Variants in MOCS2 observed in about 807,000 individuals in gnomAD.
MOCS2 encodes molybdopterin synthase catalytic subunit.
A neutral mutation model predicts 21.9 loss-of-function variants in MOCS2; 13 were observed. The observed-to-expected ratio is 0.59, with a 90% CI of 0.39 to 0.94. The LOEUF (loss-of-function observed/expected upper bound fraction) is 0.94. MOCS2 is among the 40% of genes least tolerant of loss of function. MOCS2 has a pLI of 0.00. For missense variants in MOCS2, 227 were observed against 218.3 expected (o/e 1.04, Z -0.25); for synonymous variants, 92 against 80.8 (o/e 1.14, Z -0.74).
chr5:53,103,974 G>C (rs1040693118), intron 3 of MOCS2, among the ~76,000 whole-genome samples: 2 of 152,196 alleles, frequency 1.3e-5, no homozygotes, highest in Admixed American at 1.3e-4. Flanking sequence ...GCTGAGGCTG[G>C]ACAGGTAGGT....
At chr5:53,100,699 G>T in intron 5 of MOCS2, 165 bp from the exon 6 acceptor site, 1 of 696,174 alleles carries the variant, frequency 1.4e-6, no homozygotes. Context: ...AATTGCAGTA[G>T]CATTCAGCAG....
In MOCS2 at chr5:53,103,216, T is replaced by C. The variant is rs953683475; in HGVS notation, c.99-992A>G. Reference sequence around the variant, plus strand: ...TATTCATAATGAATCAGGCATGACATAAAAAGTAATCCATTATTAACATGA... The same window carrying C: ...TATTCATAATGAATCAGGCATGACACAAAAAGTAATCCATTATTAACATGA... On this transcript the variant is annotated intron_variant, in intron 3 of 6. Transcript: ENST00000396954. Among the ~76,000 whole-genome samples the C allele has an allele frequency of 4.6e-5, 7 of 152,134 alleles. No individual in the cohort carries two copies. In the South Asian group the frequency reaches 8.3e-4, roughly 18 times the overall value.
rs1050816545 is a variant in MOCS2 at position 53,095,865 on chromosome 5, T to G, written c.*2737A>C. ...TTATTCTACATCACTTGTTAAAAAC[T>G]ACAAATTGCATTTTCAAAAACTCCT... is the stretch of plus-strand genomic sequence containing the variant. On this transcript the variant is annotated 3_prime_UTR_variant, in exon 7 of 7. Coordinates refer to ENST00000396954, the MANE Select transcript of MOCS2 (RefSeq NM_004531.5). 1 of 152,212 alleles carries G rather than the reference T, an allele frequency of 6.6e-6. No homozygotes were observed. Among genetic ancestry groups the G allele is most frequent in the African/African-American group, 2.4e-5 (1 of 41,456 alleles). 9.4% of individuals were successfully genotyped at this position (152,212 alleles called of 1,614,324 possible).
chr5:53,103,722 T>A (rs1021410002), intron 3 of MOCS2, among the ~76,000 whole-genome samples: 1 of 152,086 alleles, frequency 6.6e-6, no homozygotes, highest in Non-Finnish European at 1.5e-5. Context: ...AAACTCAGAA[T>A]TACAAATAGG....
intron 1 of MOCS2, among the ~76,000 whole-genome samples, chr5:53,108,854 T>C (rs947233804): frequency 2.0e-5 from 3 of 152,232 alleles, no homozygotes; most frequent in African/African-American, 7.2e-5. Context: ...AATTTCTGGA[T>C]GCCTTTTAGT....
chr5:53,106,710 T>C (rs907527662), intron 3 of MOCS2, among the ~76,000 whole-genome samples: 2 of 152,218 alleles, frequency 1.3e-5, no homozygotes, highest in Non-Finnish European at 2.9e-5. Flanking sequence ...CTTTCACTTA[T>C]TAGCTATGTG....
rs1740872226 is a variant in MOCS2 at position 53,100,335 on chromosome 5, A to G, written c.501+76T>C. The G allele has an allele frequency of 3.9e-6, 6 of 1,533,964 alleles. No homozygotes were observed. The Admixed American group carries it at 1.0e-4, about 26-fold the overall frequency. Reference sequence around the variant, plus strand: ...ACTACAGTCAGTAAAAAGTCCATAAATATGGGGGGATTTATCTAAAAATTC... The same window carrying G: ...ACTACAGTCAGTAAAAAGTCCATAAGTATGGGGGGATTTATCTAAAAATTC... On this transcript the variant is annotated intron_variant, in intron 6 of 6. Transcript: ENST00000396954.
chr5:53,108,177 G>A (rs1239845172), intron 2 of MOCS2: 1 of 182,774 alleles, frequency 5.5e-6, no homozygotes, highest in African/African-American at 2.4e-5. Flanking sequence ...TCTAAAGAGA[G>A]GGGCAGAACA....
In MOCS2 at chr5:53,098,431, C is replaced by A. The variant is rs191465075; in HGVS notation, c.*171G>T. On this transcript the variant is annotated 3_prime_UTR_variant, in exon 7 of 7. Coordinates refer to ENST00000396954, the MANE Select transcript of MOCS2 (RefSeq NM_004531.5). ...TATCTTTAGTTCCATTTTAAATAAC[C>A]CTTCATCCTACATACCCATTTATCT... The A allele has an allele frequency of 2.4e-5, 15 of 638,102 alleles. 1 individual carries two copies. The South Asian group carries it at 2.8e-4, about 12-fold the overall frequency. 39.5% of individuals were successfully genotyped at this position (638,102 alleles called of 1,614,324 possible). A position where few individuals can be genotyped will look rare whatever the true frequency, so the allele number is the denominator to read the frequency against.
intron 4 of MOCS2, among the ~76,000 whole-genome samples, chr5:53,101,889 CT>C (rs1224538011): frequency 6.6e-6 from 1 of 152,136 alleles, no homozygotes; most frequent in Non-Finnish European, 1.5e-5. Flanking sequence ...TTTTATCCTA[CT>C]TTTCAAAATG....
chr5:53,103,517 GCA>G (rs749528669), intron 3 of MOCS2, among the ~76,000 whole-genome samples: 20 of 152,238 alleles, frequency 1.3e-4, no homozygotes, highest in Admixed American at 8.5e-4. Context: ...GGAATGAACT[GCA>G]CACTTACTTA....
At chr5:53,103,272 T>C (rs1323503122) in intron 3 of MOCS2, among the ~76,000 whole-genome samples, 2 of 152,182 alleles carry the variant, frequency 1.3e-5, no homozygotes, top group Non-Finnish European at 2.9e-5. Context: ...TCAATGCCAA[T>C]ATATTCCAAA....
intron 5 of MOCS2, chr5:53,100,903 C>G (rs1740890920): frequency 3.2e-6 from 1 of 308,312 alleles, no homozygotes; most frequent in African/African-American, 2.2e-5. Flanking sequence ...TAATACATAT[C>G]AAGTAATAGG....
chr5:53,107,766 A>G (rs189295279), intron 2 of MOCS2: 34 of 153,436 alleles, frequency 2.2e-4, no homozygotes, highest in African/African-American at 7.7e-4. Context: ...GAAAACGTAT[A>G]CAAGACCTGC....
At chr5:53,108,411 T>C (rs1741109058) in intron 2 of MOCS2, 111 bp downstream of exon 2, 2 of 1,070,794 alleles carry the variant, frequency 1.9e-6, no homozygotes, top group East Asian at 5.0e-5. Flanking sequence ...AACTAACGAT[T>C]CTTTTTGACA....
chr5:53,108,496 T>C, intron 2 of MOCS2, 26 bp downstream of exon 2: 1 of 1,599,534 alleles, frequency 6.3e-7, no homozygotes, highest in Non-Finnish European at 8.6e-7. Flanking sequence ...GTGTTACTCA[T>C]ATGCATTCTA....
Position 53,097,356 on chromosome 5 carries a change from C to T in MOCS2, c.*1246G>A, listed in dbSNP as rs1267601144. On this transcript the variant is annotated 3_prime_UTR_variant, in exon 7 of 7. Coordinates refer to ENST00000396954, the MANE Select transcript of MOCS2 (RefSeq NM_004531.5). ...GGGTGGGTGCCTGGCACAAAACAGGCATTCAATAAATATTTGTTGAATAAA... is the reference window on the plus strand; with the variant it reads ...GGGTGGGTGCCTGGCACAAAACAGGTATTCAATAAATATTTGTTGAATAAA... The T allele has an allele frequency of 6.6e-6, 1 of 152,156 alleles. No homozygotes were observed. The highest frequency in any genetic ancestry group is 1.5e-5 in the Non-Finnish European group (1 of 68,042). 9.4% of individuals were successfully genotyped at this position (152,156 alleles called of 1,614,324 possible). A position where few individuals can be genotyped will look rare whatever the true frequency, so the allele number is the denominator to read the frequency against.
At chr5:53,099,009 A>G (rs1330345918) in intron 6 of MOCS2, among the ~76,000 whole-genome samples, 4 of 152,214 alleles carry the variant, frequency 2.6e-5, no homozygotes, top group African/African-American at 9.7e-5. Context: ...GTTCTTTGAC[A>G]TATGCACTCT....
Position 53,109,262 on chromosome 5 carries a change from T to C in MOCS2, c.-181A>G. The C allele has an allele frequency of 1.0e-6, 1 of 998,678 alleles. No individual in the cohort carries two copies. The highest frequency in any genetic ancestry group is 1.2e-6 in the Non-Finnish European group (1 of 839,040). The allele number at this position is 998,678 out of a possible 1,614,324, so 61.9% of individuals were successfully genotyped here. On this transcript the variant is annotated 5_prime_UTR_variant, in exon 1 of 7. Coordinates refer to ENST00000396954, the MANE Select transcript of MOCS2 (RefSeq NM_004531.5). ...AGTAAAATAGGCACCTGTCACTCCG[T>C]GCAAACAACTCTTTACGAAATAATT...
Sources: gnomAD v4.1 joint callset for allele counts (sites outside exome capture counted in the v4.1 genomes callset) on GRCh38, gnomAD v4.1.1 for gene constraint, MANE v1.5 for transcripts, NCBI Gene and HGNC (gene_info 2026-07-23, HGNC 2026-07-21) for gene names.